Variants in IL1R1 observed in about 807,000 individuals in gnomAD.
IL1R1 encodes interleukin 1 receptor type 1.
Under a neutral mutation model 50.2 loss-of-function variants are expected in IL1R1, and 22 were observed. That is an observed-to-expected ratio of 0.44 (90% CI 0.31 to 0.63). The LOEUF is 0.63. Ranked by LOEUF, IL1R1 falls within the 20% of genes least tolerant of loss-of-function variation. The pLI is 0.07. For missense variants in IL1R1, 509 were observed against 676.2 expected, an observed-to-expected ratio of 0.75 and a Z score of 2.74; for synonymous variants, 251 against 236.7, an observed-to-expected ratio of 1.06 and a Z score of -0.55.
At position 102,176,734 on chromosome 2, in the gene IL1R1, G is replaced by T; in HGVS notation, c.1685G>T (p.Arg562Ile). The change falls in exon 12 of 12, where the codon AGA (arginine) becomes ATA (isoleucine). Residue 562 changes from arginine (R) to isoleucine (I), a missense_variant. By Grantham distance (97) the Arg-to-Ile change is moderately conservative (BLOSUM62 -3). Coordinates refer to ENST00000410023, the MANE Select transcript of IL1R1 (RefSeq NM_000877.4). ...LSPATKEKLQREAHVPLG is the reference protein window; with the variant it reads ...LSPATKEKLQIEAHVPLG ...CCAGCCACTAAGGAGAAACTGCAAA[G>T]AGAGGCTCACGTGCCTCTCGGGTAG... The T allele has an allele frequency of 6.2e-7, 1 of 1,614,076 alleles. No individual in the cohort carries two copies. Among genetic ancestry groups the T allele is most frequent in the Admixed American group, 1.7e-5 (1 of 60,022 alleles).
At chr2:102,080,333 A>G (rs187955945) in intron 1 of IL1R1, among the ~76,000 whole-genome samples, 2 of 152,340 alleles carry the variant, frequency 1.3e-5, no homozygotes, top group Admixed American at 6.5e-5. Context: ...AAATTATCTG[A>G]TAATGAACTT....
intron 1 of IL1R1, among the ~76,000 whole-genome samples, chr2:102,107,770 C>T (rs1172109002): frequency 6.6e-6 from 1 of 152,190 alleles, no homozygotes; most frequent in Non-Finnish European, 1.5e-5. Flanking sequence ...TTCAGCCTCT[C>T]GTCTTTTTTG....
chr2:102,157,259 G>A (rs571669073), intron 2 of IL1R1, among the ~76,000 whole-genome samples: 1 of 152,184 alleles, frequency 6.6e-6, no homozygotes, highest in African/African-American at 2.4e-5. Flanking sequence ...ATAAAATGAA[G>A]GCATGACCTT....
At chr2:102,103,668 G>T (rs144515060), upstream of IL1R1, among the ~76,000 whole-genome samples, 1,290 of 152,092 alleles carry the variant, frequency 8.5e-3, 16 homozygotes, top group African/African-American at 0.029. Flanking sequence ...AATGTTCATC[G>T]GAGTGCAGAG....
At chr2:102,146,893 C>T (rs1442448717) in intron 1 of IL1R1, among the ~76,000 whole-genome samples, 2 of 152,198 alleles carry the variant, frequency 1.3e-5, no homozygotes, top group Admixed American at 1.3e-4. Context: ...CCCTTCCCCA[C>T]AGGTTCCGAA....
intron 1 of IL1R1, among the ~76,000 whole-genome samples, chr2:102,088,302 G>T (rs1390303840): frequency 6.6e-6 from 1 of 152,104 alleles, no homozygotes; most frequent in Non-Finnish European, 1.5e-5. Flanking sequence ...ATTACCTCTT[G>T]ATCCAATGGA....
chr2:102,175,712 A>G lies in IL1R1; in HGVS notation c.1303+67A>G, dbSNP rs745368259. ...AACTACTTAGTAAAATGTGGATTCC[A>G]TCTTTCTAGAAGATCGTGGCATAGG... On this transcript the variant is annotated intron_variant, in intron 11 of 11. Transcript: ENST00000410023. 4 of 1,464,188 alleles carry G rather than the reference A, an allele frequency of 2.7e-6. No individual in the cohort carries two copies. In the Admixed American group the frequency reaches 5.0e-5, roughly 18 times the overall value. The allele number at this position is 1,464,188 out of a possible 1,614,324, so 90.7% of individuals were successfully genotyped here. A position where few individuals can be genotyped will look rare whatever the true frequency, so the allele number is the denominator to read the frequency against.
chr2:102,104,388 G>C (rs113266489), upstream of IL1R1, among the ~76,000 whole-genome samples: 2,915 of 152,336 alleles, frequency 0.019, 38 homozygotes, highest in Non-Finnish European at 0.032. Context: ...TCAGCCAGCA[G>C]GCTTGTCCAG....
chr2:102,113,147 A>C (rs1680870545), intron 1 of IL1R1, among the ~76,000 whole-genome samples: 2 of 152,270 alleles, frequency 1.3e-5, no homozygotes, highest in South Asian at 4.1e-4. Flanking sequence ...ACTGCGTTCA[A>C]TCAGCCTGTG....
chr2:102,175,829 G>T, intron 11 of IL1R1, 184 bp downstream of exon 11: 1 of 646,998 alleles, frequency 1.5e-6, no homozygotes, highest in South Asian at 1.9e-5. Context: ...TATTTTGTCA[G>T]AGCAATAATT....
At chr2:102,121,351 G>A (rs569195876) in intron 1 of IL1R1, among the ~76,000 whole-genome samples, 5 of 152,230 alleles carry the variant, frequency 3.3e-5, no homozygotes, top group South Asian at 4.1e-4. Flanking sequence ...AGCTTCCTCC[G>A]CTTTGCCAGA....
At chr2:102,072,613 C>CT (rs1240028585) in intron 1 of IL1R1, among the ~76,000 whole-genome samples, 11 of 152,104 alleles carry the variant, frequency 7.2e-5, no homozygotes, top group African/African-American at 2.7e-4. Context: ...TTGCTTCTTT[C>CT]TTTTTTCTTC....
intron 1 of IL1R1, among the ~76,000 whole-genome samples, chr2:102,074,773 A>G (rs1405763652): frequency 1.3e-5 from 2 of 152,188 alleles, no homozygotes; most frequent in African/African-American, 4.8e-5. Context: ...GTAAAACAAT[A>G]CAGGAAGGGA....
chr2:102,168,002 T>C (rs1685350105), intron 6 of IL1R1, among the ~76,000 whole-genome samples: 1 of 152,140 alleles, frequency 6.6e-6, no homozygotes, highest in South Asian at 2.1e-4. Flanking sequence ...TTTTTTTTGA[T>C]TGGGGGAATA....
intron 1 of IL1R1, among the ~76,000 whole-genome samples, chr2:102,113,120 G>A (rs182206273): frequency 6.6e-6 from 1 of 152,340 alleles, no homozygotes; most frequent in African/African-American, 2.4e-5. Flanking sequence ...ATTTGTTACA[G>A]CAGCCCAGGC....
chr2:102,174,600 G>A lies in IL1R1; in HGVS notation c.1005G>A (p.Gln335=). Residue 335 remains glutamine, a synonymous_variant, in exon 10 of 12, where the codon CAG becomes CAA. Coordinates refer to ENST00000410023, the MANE Select transcript of IL1R1 (RefSeq NM_000877.4). ...IQLIYPVTNF[Q]KHMIGICVTL... ...TTTTTGCTATAGTCACTAATTTCCA[G>A]AAGCACATGATTGGTATATGTGTCA... 6.4e-7 allele frequency: 1 copy of A among 1,565,804 alleles called. No individual in the cohort carries two copies. The highest frequency in any genetic ancestry group is 8.6e-7 in the Non-Finnish European group (1 of 1,161,386).
At chr2:102,092,679 T>C (rs111249027) in intron 1 of IL1R1, among the ~76,000 whole-genome samples, 1 of 152,226 alleles carries the variant, frequency 6.6e-6, no homozygotes, top group East Asian at 1.9e-4. Flanking sequence ...AAGGGGAGCA[T>C]GTTTATGACA....
chr2:102,176,281 TGTGGCTTTG>T (rs1172502907), intron 11 of IL1R1, 63 bp from the exon 12 acceptor site: 2 of 1,359,654 alleles, frequency 1.5e-6, no homozygotes, highest in Non-Finnish European at 2.0e-6. Context: ...AAAAGCCTTG[TGTGGCTTTG>T]GTTCAGGAGA....
chr2:102,125,610 G>A (rs957882713), intron 1 of IL1R1, among the ~76,000 whole-genome samples: 7 of 152,222 alleles, frequency 4.6e-5, no homozygotes, highest in African/African-American at 1.7e-4. Flanking sequence ...GCCTTGTTAG[G>A]CCCTTCCAGC....
Sources: gnomAD v4.1 joint callset for allele counts (sites outside exome capture counted in the v4.1 genomes callset) on GRCh38, gnomAD v4.1.1 for gene constraint, MANE v1.5 for transcripts, NCBI Gene and HGNC (gene_info 2026-07-23, HGNC 2026-07-21) for gene names.